Variants in FN1 observed in about 807,000 individuals in gnomAD.
The protein encoded by FN1 is fibronectin.
FN1 carries 106 observed loss-of-function variants against 297.3 expected under a neutral mutation model. The ratio of observed to expected loss-of-function variants is 0.36; its 90% CI spans 0.30 to 0.42. The LOEUF is 0.42. Ranked by LOEUF, FN1 falls within the 10% of genes least tolerant of loss-of-function variation. The pLI is 1.00. For synonymous variants in FN1, 1,149 were observed against 1,152.6 expected, an observed-to-expected ratio of 1.00 and a Z score of 0.06; for missense variants, 2,690 against 3,124.9, an observed-to-expected ratio of 0.86 and a Z score of 3.32.
At chr2:215,382,405 T>A (rs2058342676) in intron 31 of FN1, 80 bp from the exon 32 acceptor site, 2 of 860,144 alleles carry the variant, frequency 2.3e-6, no homozygotes, top group Non-Finnish European at 4.0e-6. Flanking sequence ...AGTTTGGTAG[T>A]AAACATATGG....
chr2:215,421,554 G>A lies in FN1; in HGVS notation c.1546+537C>T, dbSNP rs754620604. ...ATTATTAATAGCTCAGGGTTCTCCC[G>A]AAATATTACTTTTCATATCAAAGAA... On this transcript the variant is annotated intron_variant, in intron 10 of 45. Coordinates refer to ENST00000354785, the MANE Select transcript of FN1 (RefSeq NM_212482.4). Among the ~76,000 whole-genome samples, 7 of 152,266 alleles carry A rather than the reference G, an allele frequency of 4.6e-5. No homozygotes were observed. In the South Asian group the frequency reaches 1.0e-3, roughly 23 times the overall value.
intron 39 of FN1, 51 bp downstream of exon 39, chr2:215,373,271 G>T (rs763909474): frequency 1.4e-6 from 2 of 1,397,586 alleles, no homozygotes; most frequent in Non-Finnish European, 2.0e-6. Flanking sequence ...TTGCTCATTT[G>T]TTATTAGTTT....
At chr2:215,363,609 A>G (rs1469837552) in intron 44 of FN1, 1 of 152,162 alleles carries the variant, frequency 6.6e-6, no homozygotes, top group Non-Finnish European at 1.5e-5. Flanking sequence ...GTTTCTTTGC[A>G]TCTTGGATAC....
chr2:215,401,290 G>GAA (rs1559477002), intron 20 of FN1, among the ~76,000 whole-genome samples: 8 of 43,568 alleles, frequency 1.8e-4, no homozygotes, highest in Non-Finnish European at 3.4e-4. Context: ...AGGAAGAAAA[G>GAA]AGAGAGAGAG....
rs1324943104 is a variant in FN1, at chr2:215,378,184, T to C, written c.5701A>G (p.Thr1901Ala). 6.3e-7 allele frequency: 1 copy of C among 1,591,064 alleles called. No homozygotes were observed. The highest frequency in any genetic ancestry group is 8.6e-7 in the Non-Finnish European group (1 of 1,159,490). The stretch of plus-strand genomic sequence containing the variant: ...ACATTTTGTTACTTACTCTCCAGAG[T>C]GGTGACAACTCCCTGAGCTGGTCTG... The part of the protein sequence containing the change: ...TSRPAQGVVT[T>A]LENVSPPRRA... The change falls in exon 35 of 46, where the codon ACT becomes GCT. Residue 1901 changes from threonine (T) to alanine (A), a missense_variant. Transcript: ENST00000354785.
rs1288258761 is a variant in FN1 at position 215,409,921 on chromosome 2, G to T, written c.2122+13C>A. On this transcript the variant is annotated intron_variant, in intron 14 of 45. Transcript: ENST00000354785. ...CTCGGGGGTAGGAGGCATGAGGGTG[G>T]TTGTGTACATACTGGTCACAGGTGT... The T allele has an allele frequency of 3.7e-6, 6 of 1,613,628 alleles. No individual in the cohort carries two copies. The highest frequency in any genetic ancestry group is 4.2e-6 in the Non-Finnish European group (5 of 1,179,912).
intron 12 of FN1, 119 bp downstream of exon 12, chr2:215,419,103 TTGATTATTAGATAATAACAA>T: frequency 1.5e-6 from 1 of 687,300 alleles, no homozygotes. Flanking sequence ...AAAAATTCAA[TTGATTATTAGATAATAACAA>T]GAGAAAAGGG....
At chr2:215,404,945 TA>T (rs1483644025) in intron 19 of FN1, among the ~76,000 whole-genome samples, 11 of 152,318 alleles carry the variant, frequency 7.2e-5, no homozygotes, top group African/African-American at 2.4e-4. Flanking sequence ...ATAGTTACAT[TA>T]AAGCAATGGT....
At chr2:215,413,680 T>A (rs2063021490) in intron 13 of FN1, among the ~76,000 whole-genome samples, 1 of 152,220 alleles carries the variant, frequency 6.6e-6, no homozygotes, top group Non-Finnish European at 1.5e-5. Flanking sequence ...GAAGCACTGT[T>A]TGCTGGACCC....
At chr2:215,394,813 T>C (rs1278334182) in intron 23 of FN1, 94 bp from the exon 24 acceptor site, 3 of 969,888 alleles carry the variant, frequency 3.1e-6, no homozygotes, top group East Asian at 4.9e-5. Context: ...CAGGGCGGAA[T>C]GCAGGACTTG....
Position 215,406,482 on chromosome 2 carries a change from C to A in FN1, c.2742G>T (p.Gln914His). The A allele has an allele frequency of 6.2e-7, 1 of 1,614,126 alleles. No homozygotes were observed. The highest frequency in any genetic ancestry group is 8.5e-7 in the Non-Finnish European group (1 of 1,180,042). Residue 914 changes from glutamine (Q) to histidine (H), a missense_variant, in exon 19 of 46, where the codon CAG (glutamine) becomes CAT (histidine). By Grantham distance (24) the Gln-to-His change is conservative. Around this residue, in one of 3 missense-constraint regions of FN1, gnomAD observed 71 missense variants for 121.7 expected, o/e 0.58. Transcript: ENST00000354785. ...SDTVPSPRDL[Q>H]FVEVTDVKVT... ...CCTTCACGTCTGTCACTTCCACAAACTGCAGGTCCCTGGGAGAGGGCACTG... is the reference window on the plus strand; with the variant it reads ...CCTTCACGTCTGTCACTTCCACAAAATGCAGGTCCCTGGGAGAGGGCACTG...
chr2:215,371,960 A>C lies in FN1; in HGVS notation c.6663T>G (p.Ser2221=). ...CAGGATGACATGAAATGATGTACTC[A>C]GAAGTGTCCTGGAATGGGGCCCATG... is the stretch of plus-strand genomic sequence containing the variant. ...TISWAPFQDT[S]EYIISCHPVG... The change falls in exon 40 of 46, where the codon TCT becomes TCG. Residue 2221 remains serine, a synonymous_variant. Transcript: ENST00000354785. 1 of 1,614,244 alleles carries C rather than the reference A, an allele frequency of 6.2e-7. No homozygotes were observed. Among genetic ancestry groups the C allele is most frequent in the South Asian group, 1.1e-5 (1 of 91,082 alleles).
At chr2:215,380,769 C>T (rs764697015) in intron 33 of FN1, 42 bp downstream of exon 33, 20 of 1,610,906 alleles carry the variant, frequency 1.2e-5, no homozygotes, top group South Asian at 3.3e-5. Flanking sequence ...GGCATAAAGC[C>T]GCTGCTCCCA....
intron 27 of FN1, 71 bp from the exon 28 acceptor site, chr2:215,387,029 G>A (rs2059117240): frequency 2.9e-6 from 4 of 1,398,034 alleles, no homozygotes; most frequent in Non-Finnish European, 2.9e-6. Flanking sequence ...AAGTGAGGAA[G>A]GTGTAGGGGA....
chr2:215,435,172 G>C (rs903496974), intron 1 of FN1, among the ~76,000 whole-genome samples: 53 of 152,290 alleles, frequency 3.5e-4, no homozygotes, highest in African/African-American at 1.3e-3. Context: ...GAAGTATCCT[G>C]AGCGGCCCTA....
intron 26 of FN1, among the ~76,000 whole-genome samples, chr2:215,390,106 T>C (rs1312439773): frequency 6.6e-6 from 1 of 152,206 alleles, no homozygotes; most frequent in Non-Finnish European, 1.5e-5. Flanking sequence ...ACCAGATGCC[T>C]GGATTCCATT....
intron 12 of FN1, 42 bp downstream of exon 12, chr2:215,419,200 C>G: frequency 6.3e-7 from 1 of 1,596,288 alleles, no homozygotes; most frequent in Non-Finnish European, 8.6e-7. Context: ...GTTGTTATAA[C>G]CCAATTGGCA....
At chr2:215,404,152 G>C (rs921957018) in intron 20 of FN1, among the ~76,000 whole-genome samples, 5 of 152,182 alleles carry the variant, frequency 3.3e-5, no homozygotes, top group African/African-American at 1.2e-4. Context: ...ATTCTCAGCT[G>C]TACTAAGCAG....
intron 7 of FN1, 37 bp downstream of exon 7, chr2:215,425,057 A>C (rs750917374): frequency 6.4e-6 from 10 of 1,569,204 alleles, no homozygotes. Context: ...TAAATAATAA[A>C]GTCATCAGTC....
Sources: allele counts gnomAD v4.1 joint callset (sites outside exome capture counted in the v4.1 genomes callset), GRCh38; gene constraint gnomAD v4.1.1; regional missense constraint gnomAD v4.1.1; transcripts MANE v1.5; gene names NCBI Gene and HGNC (gene_info 2026-07-23, HGNC 2026-07-21).